The following MCM10 variants were observed in gnomAD, a reference collection of about 807,000 sequenced individuals.
The protein encoded by MCM10 is minichromosome maintenance 10 replication initiation factor.
A neutral mutation model predicts 109.9 loss-of-function variants in MCM10; 91 were observed. That is an observed-to-expected ratio of 0.83 (90% CI 0.70 to 0.99). MCM10 has a LOEUF of 0.99. Ranked by LOEUF, MCM10 falls within the 50% of genes least tolerant of loss-of-function variation. The pLI is 0.00. For missense variants in MCM10, 1,077 were observed against 1,061.2 expected (o/e 1.01, Z -0.21); for synonymous variants, 380 against 387.2 (o/e 0.98, Z 0.22).
rs192145986 is a variant in MCM10 at position 13,172,304 on chromosome 10, T to C, written c.350-72T>C. ...GGGCAGGGAGTGGACAACAAAAATA[T>C]TGCCCGCATTTTTGTCATGTAGAAC... is the stretch of plus-strand genomic sequence containing the variant. On this transcript the variant is annotated intron_variant, in intron 3 of 19. Transcript: ENST00000378714. The surrounding 1 kb of genome is among the most constrained non-coding windows in gnomAD (Gnocchi z 5.2). 3 of 1,130,878 alleles carry C rather than the reference T, an allele frequency of 2.7e-6. No individual in the cohort carries two copies. Among genetic ancestry groups the C allele is most frequent in the African/African-American group, 3.1e-5 (2 of 65,370 alleles). 70.1% of individuals were successfully genotyped at this position (1,130,878 alleles called of 1,614,324 possible).
At chr10:13,168,523 A>T (rs1293710572) in intron 2 of MCM10, among the ~76,000 whole-genome samples, 1 of 132,858 alleles carries the variant, frequency 7.5e-6, no homozygotes, top group African/African-American at 2.5e-5. Flanking sequence ...AATTTCAGAC[A>T]AGGAGAGTAG....
chr10:13,166,661 CATAT>C (rs60500036), intron 2 of MCM10, among the ~76,000 whole-genome samples: 2,843 of 89,638 alleles, frequency 0.032, 72 homozygotes, highest in Middle Eastern at 0.061. Flanking sequence ...TACATACATA[CATAT>C]ATATATATAT....
Position 13,172,408 on chromosome 10 carries a change from G to C in MCM10, c.382G>C (p.Ala128Pro). 6.2e-7 allele frequency: 1 copy of C among 1,613,954 alleles called. No homozygotes were observed. Among genetic ancestry groups the C allele is most frequent in the Non-Finnish European group, 8.5e-7 (1 of 1,179,958 alleles). ...ELRNLQEQMK[A>P]LQEQLKVTTI... ...AAGGAATTTGCAAGAGCAAATGAAG[G>C]CCTTACAAGAGCAGCTAAAAGTAAC... is the stretch of plus-strand genomic sequence containing the variant. The change falls in exon 4 of 20, where the codon GCC becomes CCC. Residue 128 changes from alanine (A) to proline (P), a missense_variant. Physicochemically the swap from Ala to Pro is conservative, Grantham distance 27. Transcript: ENST00000378714. The surrounding 1 kb of genome is among the most constrained non-coding windows in gnomAD (Gnocchi z 5.2).
chr10:13,161,649 G>GCGGGGA (rs912001270), intron 1 of MCM10, 43 bp downstream of exon 1: 10 of 152,370 alleles, frequency 6.6e-5, no homozygotes, highest in African/African-American at 2.4e-4. Context: ...CCCTCGGGCG[G>GCGGGGA]CGGGGCCGGG....
intron 7 of MCM10, among the ~76,000 whole-genome samples, chr10:13,181,709 G>A (rs770046151): frequency 3.9e-5 from 6 of 152,100 alleles, no homozygotes; most frequent in Non-Finnish European, 7.4e-5. Context: ...AAGATTACCC[G>A]GTCTTACACT....
intron 14 of MCM10, 99 bp downstream of exon 14, chr10:13,195,368 A>C: frequency 1.1e-6 from 1 of 876,786 alleles, no homozygotes; most frequent in Non-Finnish European, 1.7e-6. Context: ...GATCGTGATC[A>C]TTAGAGTCAG....
At chr10:13,179,601 A>G (rs1337706714) in intron 6 of MCM10, among the ~76,000 whole-genome samples, 1 of 152,240 alleles carries the variant, frequency 6.6e-6, no homozygotes, top group Non-Finnish European at 1.5e-5. Context: ...CTGCAAATAT[A>G]TAACGCTATC....
At chr10:13,178,647 C>G (rs1834171593) in intron 6 of MCM10, among the ~76,000 whole-genome samples, 1 of 152,122 alleles carries the variant, frequency 6.6e-6, no homozygotes, top group Admixed American at 6.5e-5. Context: ...AATCTGATTC[C>G]TCCAGTTTTG....
At chr10:13,198,587 G>C (rs1324569624) in intron 15 of MCM10, 102 bp from the exon 16 acceptor site, 3 of 756,012 alleles carry the variant, frequency 4.0e-6, no homozygotes, top group Non-Finnish European at 6.9e-6. Context: ...TTGAAGGGCT[G>C]GTAGGCAGAG....
chr10:13,163,485 G>T (rs548501353), intron 1 of MCM10, among the ~76,000 whole-genome samples: 13 of 152,276 alleles, frequency 8.5e-5, no homozygotes, highest in African/African-American at 2.9e-4. Flanking sequence ...AAAGAGAAGT[G>T]CACAAAGTGA....
chr10:13,205,543 G>A (rs2131591213), intron 18 of MCM10, among the ~76,000 whole-genome samples: 1 of 152,278 alleles, frequency 6.6e-6, no homozygotes, highest in African/African-American at 2.4e-5. Flanking sequence ...TAGATACCCA[G>A]TAGTGGGATT....
intron 8 of MCM10, among the ~76,000 whole-genome samples, chr10:13,185,447 A>C (rs886612720): frequency 2.0e-5 from 3 of 152,214 alleles, no homozygotes; most frequent in African/African-American, 7.2e-5. Context: ...ATTCAAGGCA[A>C]GAAGTGAAGA....
chr10:13,184,774 C>A (rs546991648), intron 8 of MCM10, among the ~76,000 whole-genome samples: 3 of 152,198 alleles, frequency 2.0e-5, no homozygotes, highest in Non-Finnish European at 4.4e-5. Context: ...CTGTGAGTCT[C>A]AGCCTTTCTC....
intron 14 of MCM10, among the ~76,000 whole-genome samples, chr10:13,196,170 T>G (rs1379340583): frequency 6.6e-6 from 1 of 151,930 alleles, no homozygotes; most frequent in Non-Finnish European, 1.5e-5. Context: ...CCTCCCAAAG[T>G]GCTGGGACTA....
chr10:13,208,972 ACCTTGAACAGCTTCT>A (rs1834621917), intron 18 of MCM10, 104 bp from the exon 19 acceptor site: 2 of 749,910 alleles, frequency 2.7e-6, no homozygotes, highest in Middle Eastern at 5.6e-4. Context: ...TACGAATGTC[ACCTTGAACAGCTTCT>A]CCTTGAATGG....
rs1296592649 is a variant in MCM10 at position 13,209,108 on chromosome 10, A to G, written c.2516A>G (p.Lys839Arg). The G allele has an allele frequency of 6.2e-6, 10 of 1,613,328 alleles. No homozygotes were observed. Among genetic ancestry groups the G allele is most frequent in the East Asian group, 2.2e-5 (1 of 44,894 alleles). ...TGTTTCAGTAACTGTGGCCTCTACA[A>G]ATGGGAACGGGACGGAATGCTAAAG... ...NKHCSNCGLY[K>R]WERDGMLKEK... Residue 839 changes from lysine (K) to arginine (R), a missense_variant, in exon 19 of 20, where the codon AAA (lysine) becomes AGA (arginine). By Grantham distance (26) the Lys-to-Arg change is conservative (BLOSUM62 2). Transcript: ENST00000378714.
chr10:13,164,967 C>G (rs1288187766), intron 2 of MCM10, among the ~76,000 whole-genome samples: 1 of 151,424 alleles, frequency 6.6e-6, no homozygotes, highest in Non-Finnish European at 1.5e-5. Flanking sequence ...TAATCTGAAA[C>G]TGGGTTTTTT....
At chr10:13,167,594 C>G (rs1000015218) in intron 2 of MCM10, among the ~76,000 whole-genome samples, 9 of 148,104 alleles carry the variant, frequency 6.1e-5, no homozygotes, top group Non-Finnish European at 1.2e-4. Context: ...CCGGGGGGGG[C>G]ATGCATGATA....
At chr10:13,189,891 C>A (rs1260385559) in intron 10 of MCM10, among the ~76,000 whole-genome samples, 1 of 152,092 alleles carries the variant, frequency 6.6e-6, no homozygotes, top group East Asian at 1.9e-4. Flanking sequence ...GGTGTCCAAT[C>A]TTTTGGCTTC....
Sources: allele counts gnomAD v4.1 joint callset (sites outside exome capture counted in the v4.1 genomes callset), GRCh38; gene constraint gnomAD v4.1.1; non-coding constraint Gnocchi (gnomAD v3.1); transcripts MANE v1.5; gene names NCBI Gene and HGNC (gene_info 2026-07-23, HGNC 2026-07-21).